Variants in HDAC9 observed in about 807,000 individuals in gnomAD.
The protein encoded by HDAC9 is MEF-2 interacting transcription repressor (MITR) protein.
Under a neutral mutation model 139.4 loss-of-function variants are expected in HDAC9, and 41 were observed. The ratio of observed to expected loss-of-function variants is 0.29; its 90% CI spans 0.23 to 0.38. HDAC9 has a LOEUF of 0.38. HDAC9 is among the 10% of genes least tolerant of loss of function. The probability of loss-of-function intolerance (pLI) is 1.00; values close to 1 mark genes in which losing one functional copy is unlikely to be tolerated. For missense variants in HDAC9, 1,147 were observed against 1,297.0 expected, an observed-to-expected ratio of 0.88 and a Z score of 1.78; for synonymous variants, 517 against 476.2, an observed-to-expected ratio of 1.09 and a Z score of -1.12.
Position 19,000,884 on chromosome 7 carries a change from C to A in HDAC9, c.*4822C>A, listed in dbSNP as rs1243441749. On this transcript the variant is annotated 3_prime_UTR_variant, in exon 26 of 26. Coordinates refer to ENST00000686413, the MANE Select transcript of HDAC9 (RefSeq NM_178425.4). ...GTTTCCTTAGTAGAAATGACCTTGA[C>A]AACTTATTTTCTGAGATACCACTAG... 2 of 152,182 alleles carry A rather than the reference C, an allele frequency of 1.3e-5. No homozygotes were observed. Among genetic ancestry groups the A allele is most frequent in the Non-Finnish European group, 2.9e-5 (2 of 68,012 alleles). The allele number at this position is 152,182 out of a possible 1,614,324, so 9.4% of individuals were successfully genotyped here. A position where few individuals can be genotyped will look rare whatever the true frequency, so the allele number is the denominator to read the frequency against.
chr7:18,743,702 A>G (rs896292553), intron 13 of HDAC9, among the ~76,000 whole-genome samples: 1 of 151,632 alleles, frequency 6.6e-6, no homozygotes, highest in Admixed American at 6.6e-5. Flanking sequence ...AAATAAAAAA[A>G]TTAAAATTAA....
intron 17 of HDAC9, among the ~76,000 whole-genome samples, chr7:18,824,084 G>GAAGAAGAAGAAGAAGAAGAAA (rs1554367982): frequency 6.9e-6 from 1 of 144,266 alleles, no homozygotes; most frequent in African/African-American, 2.8e-5. Flanking sequence ...AGAAGAAGAA[G>GAAGAAGAAGAAGAAGAAGAAA]AAGAACAAGA....
At chr7:18,232,795 T>C (rs1341699679) in intron 2 of HDAC9, among the ~76,000 whole-genome samples, 1 of 152,190 alleles carries the variant, frequency 6.6e-6, no homozygotes, top group Non-Finnish European at 1.5e-5. Flanking sequence ...CTGTCAGCAT[T>C]CTTAATTCAT....
chr7:18,854,244 A>G (rs1465070656), intron 21 of HDAC9, among the ~76,000 whole-genome samples: 1 of 152,152 alleles, frequency 6.6e-6, no homozygotes, highest in African/African-American at 2.4e-5. Context: ...GCTAATATGG[A>G]GCACAAGAAA....
chr7:18,705,749 A>G (rs946822794), intron 12 of HDAC9, among the ~76,000 whole-genome samples: 7 of 151,504 alleles, frequency 4.6e-5, no homozygotes, highest in Non-Finnish European at 1.0e-4. Flanking sequence ...GCTGCTTGGG[A>G]GGATGAGGCA....
At chr7:18,387,539 C>T (rs2128719999) in intron 1 of HDAC9, among the ~76,000 whole-genome samples, 1 of 152,260 alleles carries the variant, frequency 6.6e-6, no homozygotes, top group African/African-American at 2.4e-5. Context: ...TGATACTCTG[C>T]TATTTTGACT....
intron 2 of HDAC9, among the ~76,000 whole-genome samples, chr7:18,580,166 G>C (rs368158504): frequency 3.9e-5 from 6 of 152,114 alleles, no homozygotes; most frequent in African/African-American, 1.4e-4. Context: ...AGCTAAACGT[G>C]AATGTTCATG....
At chr7:18,536,798 C>G (rs1811060836) in intron 2 of HDAC9, among the ~76,000 whole-genome samples, 1 of 152,032 alleles carries the variant, frequency 6.6e-6, no homozygotes, top group Admixed American at 6.6e-5. Context: ...CTCCATAAGC[C>G]TCTGTAAATT....
intron 24 of HDAC9, among the ~76,000 whole-genome samples, chr7:18,957,058 A>G (rs1237432742): frequency 6.6e-6 from 1 of 152,210 alleles, no homozygotes; most frequent in Non-Finnish European, 1.5e-5. Context: ...AAGGAATGAT[A>G]GTAGCATCAC....
chr7:18,466,725 C>T (rs1794307613), intron 1 of HDAC9, among the ~76,000 whole-genome samples: 1 of 152,122 alleles, frequency 6.6e-6, no homozygotes, highest in South Asian at 2.1e-4. Context: ...ATCTTAATTC[C>T]CTTTTGCCAT....
intron 24 of HDAC9, among the ~76,000 whole-genome samples, chr7:18,967,571 A>G (rs1028066364): frequency 4.7e-5 from 7 of 148,742 alleles, no homozygotes; most frequent in African/African-American, 1.5e-4. Flanking sequence ...AAAGTGTAAC[A>G]CTGATAATAA....
rs1378123732 is a variant in HDAC9, at chr7:18,732,908, C to CGTATGTGTATACACACGTGTGTAT, written c.1909+5172_1909+5195dup. Among the ~76,000 whole-genome samples, 160 of 62,954 alleles carry CGTATGTGTATACACACGTGTGTAT rather than the reference C, an allele frequency of 2.5e-3. 14 individuals are homozygous for CGTATGTGTATACACACGTGTGTAT. The highest frequency in any genetic ancestry group is 0.011 in the Middle Eastern group (1 of 92). The allele number at this position is 62,954 out of a possible 152,430, so 41.3% of individuals were successfully genotyped here. Reference sequence around the variant, plus strand: ...GCGTATGTGTACACACACACGTGTGCGTATGTGTATACACACGTGTGTATG... The same window carrying CGTATGTGTATACACACGTGTGTAT: ...GCGTATGTGTACACACACACGTGTGCGTATGTGTATACACACGTGTGTATGTATGTGTATACACACGTGTGTATG... On this transcript the variant is annotated intron_variant, in intron 13 of 25. Coordinates refer to ENST00000686413, the MANE Select transcript of HDAC9 (RefSeq NM_178425.4).
chr7:18,104,515 A>G (rs773698391), intron 1 of HDAC9, among the ~76,000 whole-genome samples: 7 of 152,184 alleles, frequency 4.6e-5, no homozygotes, highest in Non-Finnish European at 8.8e-5. Flanking sequence ...GAAAAGAGAG[A>G]ATGCTAAGTT....
intron 25 of HDAC9, among the ~76,000 whole-genome samples, chr7:18,984,917 A>G (rs893732157): frequency 1.3e-5 from 2 of 152,048 alleles, no homozygotes; most frequent in Non-Finnish European, 2.9e-5. Context: ...GTGTGTGTGT[A>G]TACATATGTT....
intron 21 of HDAC9, among the ~76,000 whole-genome samples, chr7:18,837,554 C>A (rs904960987): frequency 3.9e-5 from 6 of 152,052 alleles, no homozygotes; most frequent in Admixed American, 3.9e-4. Context: ...ACATTAAATT[C>A]TCAACCTTAC....
intron 1 of HDAC9, among the ~76,000 whole-genome samples, chr7:18,387,283 A>G (rs1013019421): frequency 1.3e-5 from 2 of 151,746 alleles, no homozygotes; most frequent in South Asian, 2.1e-4. Context: ...TTTTCAGCCA[A>G]TATAATATGT....
chr7:18,912,858 G>C (rs766284122), intron 22 of HDAC9, among the ~76,000 whole-genome samples: 3 of 152,064 alleles, frequency 2.0e-5, no homozygotes, highest in South Asian at 4.1e-4. Flanking sequence ...GAAGGTTTGA[G>C]AGGTAGGTAT....
rs539519566 is a variant in HDAC9, at chr7:18,817,382, C to T, written c.2323-11779C>T. Reference sequence around the variant, plus strand: ...GGCCTGTTACAACAAATATCACACACTCATTCCCCCAAAACAAAAACAATA... The same window carrying T: ...GGCCTGTTACAACAAATATCACACATTCATTCCCCCAAAACAAAAACAATA... On this transcript the variant is annotated intron_variant, in intron 17 of 25. Coordinates refer to ENST00000686413, the MANE Select transcript of HDAC9 (RefSeq NM_178425.4). 3.5e-4 allele frequency among the ~76,000 whole-genome samples: 54 copies of T among 152,130 alleles called. No homozygotes were observed. The South Asian group carries it at 0.011, about 30-fold the overall frequency.
chr7:18,137,998 A>G (rs1449434984), intron 1 of HDAC9, among the ~76,000 whole-genome samples: 2 of 152,142 alleles, frequency 1.3e-5, no homozygotes, highest in Non-Finnish European at 2.9e-5. Context: ...TTATTGGTCT[A>G]TTCAGAGATT....
Sources: gnomAD v4.1 joint callset for allele counts (sites outside exome capture counted in the v4.1 genomes callset) on GRCh38, gnomAD v4.1.1 for gene constraint, MANE v1.5 for transcripts, NCBI Gene and HGNC (gene_info 2026-07-23, HGNC 2026-07-21) for gene names.